CAPS2: variants seen among roughly 807,000 people sequenced by gnomAD.
CAPS2 encodes the protein calcyphosin-2.
CAPS2 carries 98 observed loss-of-function variants against 86.5 expected under a neutral mutation model. The observed-to-expected ratio is 1.13, with a 90% CI of 0.96 to 1.34. The LOEUF (loss-of-function observed/expected upper bound fraction) is 1.34. CAPS2 is among the 40% of genes most tolerant of loss of function. The pLI is 0.00. For synonymous variants in CAPS2, 210 were observed against 225.1 expected, an observed-to-expected ratio of 0.93 and a Z score of 0.60; for missense variants, 729 against 686.8, an observed-to-expected ratio of 1.06 and a Z score of -0.69.
intron 1 of CAPS2, among the ~76,000 whole-genome samples, chr12:75,339,048 G>A (rs561709718): frequency 1.4e-4 from 21 of 152,268 alleles, no homozygotes; most frequent in African/African-American, 5.1e-4. Flanking sequence ...ATTGTGAATA[G>A]TGTGCAGTGA....
At chr12:75,339,944 T>A (rs2041991018) in intron 1 of CAPS2, among the ~76,000 whole-genome samples, 2 of 152,054 alleles carry the variant, frequency 1.3e-5, no homozygotes, top group African/African-American at 4.8e-5. Context: ...GTCCCCAAAG[T>A]CCATCATTCT....
At chr12:75,364,143 T>C (rs543229846) in intron 1 of CAPS2, among the ~76,000 whole-genome samples, 7 of 152,342 alleles carry the variant, frequency 4.6e-5, no homozygotes, top group Non-Finnish European at 8.8e-5. Context: ...TCTCTTCTAT[T>C]AGACTTAAGA....
At chr12:75,344,267 A>G (rs1220873583) in intron 1 of CAPS2, among the ~76,000 whole-genome samples, 1 of 152,066 alleles carries the variant, frequency 6.6e-6, no homozygotes, top group East Asian at 1.9e-4. Flanking sequence ...TTACTCATGT[A>G]GAAAGCCACT....
At chr12:75,279,863 G>T (rs1307095456) in intron 16 of CAPS2, among the ~76,000 whole-genome samples, 1 of 151,922 alleles carries the variant, frequency 6.6e-6, no homozygotes, top group African/African-American at 2.4e-5. Flanking sequence ...ATAGATTTTG[G>T]TAGAAATTTC....
At chr12:75,374,404 A>G (rs2044540835) in intron 1 of CAPS2, among the ~76,000 whole-genome samples, 1 of 152,228 alleles carries the variant, frequency 6.6e-6, no homozygotes, top group African/African-American at 2.4e-5. Flanking sequence ...GAGTGGCCAA[A>G]TGCAACAACT....
At chr12:75,369,612 T>C (rs894808633) in intron 1 of CAPS2, 4 of 984,794 alleles carry the variant, frequency 4.1e-6, no homozygotes, top group African/African-American at 1.7e-5. Context: ...GAGTTCTGCA[T>C]ACAAAAAATT....
At chr12:75,328,963 C>A (rs1245835768), upstream of CAPS2, among the ~76,000 whole-genome samples, 1 of 152,172 alleles carries the variant, frequency 6.6e-6, no homozygotes, top group Non-Finnish European at 1.5e-5. Flanking sequence ...GCAACTGACA[C>A]CCTATGTAGA....
At chr12:75,315,853 C>T (rs192454274) in intron 6 of CAPS2, among the ~76,000 whole-genome samples, 139 of 152,176 alleles carry the variant, frequency 9.1e-4, no homozygotes, top group African/African-American at 3.2e-3. Flanking sequence ...ACTTGCCAAC[C>T]TAATTGATTC....
intron 7 of CAPS2, among the ~76,000 whole-genome samples, chr12:75,307,000 C>T (rs540140409): frequency 2.6e-5 from 4 of 152,062 alleles, no homozygotes; most frequent in Non-Finnish European, 5.9e-5. Context: ...AGCAGAGGAA[C>T]AATATGTGTA....
At chr12:75,369,601 T>C (rs183083221) in intron 1 of CAPS2, 1 of 984,794 alleles carries the variant, frequency 1.0e-6, no homozygotes, top group African/African-American at 1.7e-5. Flanking sequence ...AGATTGTTAA[T>C]GAGTTCTGCA....
At chr12:75,334,357 T>G, upstream of CAPS2, 1 of 464,550 alleles carries the variant, frequency 2.2e-6, no homozygotes, top group African/African-American at 2.1e-5. Flanking sequence ...GACTGGCCCA[T>G]TGTCAGCATC....
chr12:75,377,539 G>A (rs2044713568), intron 1 of CAPS2, among the ~76,000 whole-genome samples: 1 of 152,130 alleles, frequency 6.6e-6, no homozygotes, highest in Admixed American at 6.5e-5. Context: ...GTAAATCCAA[G>A]ACTCCAAAAG....
At chr12:75,321,631 T>C in intron 4 of CAPS2, 55 bp from the exon 5 acceptor site, 4 of 1,285,376 alleles carry the variant, frequency 3.1e-6, no homozygotes, top group Non-Finnish European at 4.4e-6. Context: ...TTAATTTTCC[T>C]TATTGGCATT....
At chr12:75,293,757 A>G (rs2036418096) in intron 11 of CAPS2, among the ~76,000 whole-genome samples, 1 of 152,190 alleles carries the variant, frequency 6.6e-6, no homozygotes, top group Admixed American at 6.5e-5. Context: ...TTCACAGCTG[A>G]ACTTTTGATG....
In CAPS2 at chr12:75,371,964, T is replaced by TC. The variant is rs563089713; in HGVS notation, c.-395+18873dup. Among the ~76,000 whole-genome samples, 330 of 152,314 alleles carry TC rather than the reference T, an allele frequency of 2.2e-3. 18 individuals are homozygous for TC. The South Asian group carries it at 0.064, about 30-fold the overall frequency. ...GGAGTCTCCTGTATTCCATACATACTCTTCCTTACCTCCATTAAGGAGTAG... is the reference window on the plus strand; with the variant it reads ...GGAGTCTCCTGTATTCCATACATACTCCTTCCTTACCTCCATTAAGGAGTAG... On this transcript the variant is annotated intron_variant, in intron 1 of 5. Transcript: ENST00000551829.
intron 1 of CAPS2, chr12:75,343,954 C>A (rs777077332): frequency 1.3e-6 from 2 of 1,578,206 alleles, no homozygotes; most frequent in South Asian, 1.1e-5. Flanking sequence ...TATTTGACAT[C>A]TTTATTGATT....
At chr12:75,276,012 A>G (rs984076708), downstream of CAPS2, 21 of 455,396 alleles carry the variant, frequency 4.6e-5, 1 homozygote, top group Non-Finnish European at 7.2e-5. Flanking sequence ...TATTAAGTAC[A>G]TCCAAGAAAT....
chr12:75,285,029 C>T (rs2034618130), exon 15 of CAPS2: 1 of 1,611,200 alleles, frequency 6.2e-7, no homozygotes, highest in African/African-American at 1.3e-5. Context: ...TCTCCATAAT[C>T]AACCTTGCCA....
downstream of CAPS2, chr12:75,276,766 CAAGT>C (rs200081450): frequency 1.4e-4 from 122 of 871,442 alleles, no homozygotes; most frequent in African/African-American, 1.5e-3. Context: ...AGCATACAAG[CAAGT>C]AACTTACAAA....
Sources: gnomAD v4.1 joint callset for allele counts (sites outside exome capture counted in the v4.1 genomes callset) on GRCh38, gnomAD v4.1.1 for gene constraint, MANE v1.5 for transcripts, NCBI Gene and HGNC (gene_info 2026-07-23, HGNC 2026-07-21) for gene names.